The following USP32 variants were observed in gnomAD, a reference collection of about 807,000 sequenced individuals.
USP32 encodes the protein ubiquitin specific peptidase 32, also known as ubiquitin carboxyl-terminal hydrolase 32.
A neutral mutation model predicts 204.8 loss-of-function variants in USP32; 59 were observed. The observed-to-expected ratio is 0.29, with a 90% CI of 0.23 to 0.36. USP32 has a LOEUF of 0.36. USP32 is among the 10% of genes least tolerant of loss of function. The probability of loss-of-function intolerance (pLI) is 1.00; values close to 1 mark genes in which losing one functional copy is unlikely to be tolerated. For missense variants in USP32, 1,160 were observed against 1,946.4 expected, an observed-to-expected ratio of 0.60 and a Z score of 7.60; for synonymous variants, 517 against 678.4, an observed-to-expected ratio of 0.76 and a Z score of 3.70.
chr17:60,392,607 A>AAT, upstream of USP32: 1 of 450,888 alleles, frequency 2.2e-6, no homozygotes, highest in South Asian at 1.6e-5. Context: ...TGGGGTTCTG[A>AAT]GGGATGCGGC....
chr17:60,399,099 C>T (rs1240242060), intron 1 of USP32, among the ~76,000 whole-genome samples: 1 of 151,986 alleles, frequency 6.6e-6, no homozygotes, highest in Non-Finnish European at 1.5e-5. Context: ...GGGCAGGAAG[C>T]CTAGGGAATG....
intron 12 of USP32, among the ~76,000 whole-genome samples, chr17:60,227,774 CTAAT>C (rs1015301013): frequency 2.0e-5 from 3 of 152,156 alleles, no homozygotes; most frequent in Non-Finnish European, 4.4e-5. Context: ...GATTAAATAA[CTAAT>C]TAATCACAAA....
chr17:60,283,436 A>G (rs1429074170), intron 5 of USP32, among the ~76,000 whole-genome samples: 1 of 152,232 alleles, frequency 6.6e-6, no homozygotes, highest in Non-Finnish European at 1.5e-5. Flanking sequence ...TTAAAAATAC[A>G]TTTAAAAAAT....
Position 60,290,758 on chromosome 17 carries a change from A to G in USP32, c.412-2076T>C, listed in dbSNP as rs567383124. 4.8e-3 allele frequency among the ~76,000 whole-genome samples: 706 copies of G among 146,340 alleles called. 3 individuals are homozygous for G. Among genetic ancestry groups the G allele is most frequent in the African/African-American group, 9.5e-3 (382 of 40,202 alleles). On this transcript the variant is annotated intron_variant, in intron 4 of 33. Coordinates refer to ENST00000300896, the MANE Select transcript of USP32 (RefSeq NM_032582.4). ...CTCAGGATGGGGGCTGGCCACTGGGAAAAAAAAAAAGAAAACCACAATGAT... is the reference window on the plus strand; with the variant it reads ...CTCAGGATGGGGGCTGGCCACTGGGGAAAAAAAAAAGAAAACCACAATGAT...
intron 1 of USP32, among the ~76,000 whole-genome samples, chr17:60,387,799 A>G (rs573773884): frequency 6.6e-6 from 1 of 152,330 alleles, no homozygotes; most frequent in Admixed American, 6.5e-5. Flanking sequence ...CACTTACATT[A>G]GCATACTGTT....
Position 60,288,479 on chromosome 17 carries a change from T to C in USP32, c.571+44A>G, listed in dbSNP as rs747791843. On this transcript the variant is annotated intron_variant, in intron 5 of 33. Coordinates refer to ENST00000300896, the MANE Select transcript of USP32 (RefSeq NM_032582.4). The stretch of plus-strand genomic sequence containing the variant: ...TCTCATATTACCAGCCAATTATATA[T>C]ATAAAAAAAGGCAAACAGAAAACAA... 4.8e-5 allele frequency: 75 copies of C among 1,550,956 alleles called. No individual in the cohort carries two copies. The Admixed American group carries it at 1.4e-3, about 29-fold the overall frequency.
chr17:60,299,915 G>A (rs1167243652), intron 3 of USP32, among the ~76,000 whole-genome samples: 1 of 152,100 alleles, frequency 6.6e-6, no homozygotes, highest in African/African-American at 2.4e-5. Context: ...AAAATATAAA[G>A]GGTCTCTCTG....
intron 9 of USP32, among the ~76,000 whole-genome samples, chr17:60,262,606 G>A (rs2086480981): frequency 6.6e-6 from 1 of 152,062 alleles, no homozygotes; most frequent in Non-Finnish European, 1.5e-5. Context: ...TCCATAGTTT[G>A]GTATAAAGTT....
intron 27 of USP32, among the ~76,000 whole-genome samples, chr17:60,197,979 C>T (rs894442621): frequency 1.3e-5 from 2 of 152,148 alleles, no homozygotes; most frequent in Admixed American, 6.5e-5. Flanking sequence ...TTTTGCAACA[C>T]AGAAGACAGG....
rs374814162 is a variant in USP32 at position 60,413,249 on chromosome 17, T to C, written c.106+8997A>G. Reference sequence around the variant, plus strand: ...AGGGAAAGACCTTATCCCTGTGTTATAGAACTGGGGTCCACTCACCTGGCC... The same window carrying C: ...AGGGAAAGACCTTATCCCTGTGTTACAGAACTGGGGTCCACTCACCTGGCC... On this transcript the variant is annotated intron_variant, in intron 1 of 3. Coordinates refer to the USP32 transcript ENST00000588898. Among the ~76,000 whole-genome samples the C allele has an allele frequency of 7.2e-5, 11 of 152,276 alleles. No individual in the cohort carries two copies. In the East Asian group the frequency reaches 1.9e-3, roughly 27 times the overall value.
intron 1 of USP32, chr17:60,421,245 A>G: frequency 7.3e-6 from 4 of 551,008 alleles, no homozygotes; most frequent in Non-Finnish European, 9.2e-6. Context: ...TCCTCCCCTT[A>G]CAACAACAAC....
chr17:60,317,555 T>A (rs1037376071), intron 2 of USP32, among the ~76,000 whole-genome samples: 1 of 149,914 alleles, frequency 6.7e-6, no homozygotes, highest in African/African-American at 2.5e-5. Context: ...AATTTTATGT[T>A]ATAAATCCCA....
intron 11 of USP32, chr17:60,249,832 C>A: frequency 1.5e-6 from 1 of 649,410 alleles, no homozygotes; most frequent in South Asian, 1.7e-5. Flanking sequence ...TTCACTCGGC[C>A]ATTCCAGAAA....
At chr17:60,374,792 T>C (rs1188784404) in intron 1 of USP32, among the ~76,000 whole-genome samples, 1 of 152,212 alleles carries the variant, frequency 6.6e-6, no homozygotes. Context: ...ACGATGTCAC[T>C]AGGCAATAGG....
At chr17:60,417,958 CTT>C (rs770082982) in intron 1 of USP32, among the ~76,000 whole-genome samples, 11 of 112,748 alleles carry the variant, frequency 9.8e-5, no homozygotes, top group Admixed American at 1.8e-4. Flanking sequence ...TCCGGCTAAT[CTT>C]TTTTTTTTTT....
Position 60,195,956 on chromosome 17 carries a change from C to A in USP32, c.3434+2304G>T, listed in dbSNP as rs200398949. Among the ~76,000 whole-genome samples the A allele has an allele frequency of 5.3e-5, 8 of 152,316 alleles. No individual in the cohort carries two copies. In the East Asian group the frequency reaches 1.4e-3, roughly 26 times the overall value. ...TCTTCCATTAAATGGTACCACCATT[C>A]ACAAACAATTGTTCAGGGTAAAAAG... On this transcript the variant is annotated intron_variant, in intron 27 of 33. Transcript: ENST00000300896.
chr17:60,307,273 GT>G (rs2087748424), intron 2 of USP32, among the ~76,000 whole-genome samples: 1 of 151,782 alleles, frequency 6.6e-6, no homozygotes, highest in South Asian at 2.1e-4. Context: ...CTAATTTTTT[GT>G]ATTTTTAGTA....
At chr17:60,210,917 A>T in intron 21 of USP32, 96 bp downstream of exon 21, 2 of 1,457,560 alleles carry the variant, frequency 1.4e-6, no homozygotes, top group African/African-American at 2.9e-5. Flanking sequence ...AAAAACATTT[A>T]TTAAGTTAAA....
chr17:60,359,900 C>T (rs183016005), intron 1 of USP32, among the ~76,000 whole-genome samples: 3,595 of 147,672 alleles, frequency 0.024, 65 homozygotes, highest in Middle Eastern at 0.038. Flanking sequence ...TGGAGTCTTG[C>T]TTTGTTGCCC....
Sources: gnomAD v4.1 joint callset for allele counts (sites outside exome capture counted in the v4.1 genomes callset) on GRCh38, gnomAD v4.1.1 for gene constraint, MANE v1.5 for transcripts, NCBI Gene and HGNC (gene_info 2026-07-23, HGNC 2026-07-21) for gene names.